The following PARP6 variants were observed in gnomAD, a reference collection of about 807,000 sequenced individuals.
PARP6 encodes the protein poly(ADP-ribose) polymerase family member 6.
In PARP6, 27 loss-of-function variants were observed where a neutral mutation model predicts 92.0. The observed-to-expected ratio is 0.29, with a 90% CI of 0.22 to 0.40. The LOEUF (loss-of-function observed/expected upper bound fraction) is 0.40. Ranked by LOEUF, PARP6 falls within the 10% of genes least tolerant of loss-of-function variation. The pLI is 1.00. For missense variants in PARP6, 501 were observed against 784.5 expected, an observed-to-expected ratio of 0.64 and a Z score of 4.32; for synonymous variants, 272 against 281.2, an observed-to-expected ratio of 0.97 and a Z score of 0.33.
At chr15:72,271,858 G>C (rs1482478695) in intron 1 of PARP6, among the ~76,000 whole-genome samples, 1 of 152,184 alleles carries the variant, frequency 6.6e-6, no homozygotes, top group East Asian at 1.9e-4. Context: ...GTTTCCACGA[G>C]AATAAGTCAA....
At chr15:72,251,051 T>A in intron 17 of PARP6, 97 bp from the exon 18 acceptor site, 1 of 1,023,110 alleles carries the variant, frequency 9.8e-7, no homozygotes, top group Non-Finnish European at 1.5e-6. Context: ...AGGCTTGCAT[T>A]AACCCCACAC....
At chr15:72,269,385 T>C (rs564384644) in intron 2 of PARP6, among the ~76,000 whole-genome samples, 1 of 151,874 alleles carries the variant, frequency 6.6e-6, no homozygotes, top group Admixed American at 6.6e-5. Flanking sequence ...GGTCTCGAAC[T>C]CCTGACCTCA....
At chr15:72,251,884 G>C (rs1034162279) in intron 16 of PARP6, among the ~76,000 whole-genome samples, 1 of 152,218 alleles carries the variant, frequency 6.6e-6, no homozygotes, top group African/African-American at 2.4e-5. Flanking sequence ...CTCAGCAAGA[G>C]AGCACTATCT....
intron 7 of PARP6, 120 bp from the exon 8 acceptor site, chr15:72,264,741 T>A: frequency 1.3e-6 from 1 of 741,126 alleles, no homozygotes; most frequent in Non-Finnish European, 2.3e-6. Context: ...CTCTAAACAG[T>A]AACGGTGGAA....
At position 72,250,875 on chromosome 15, in the gene PARP6, T is replaced by C. The variant is rs1203174686; in HGVS notation, c.1388A>G (p.Lys463Arg). Residue 463 changes from lysine to arginine, a missense_variant, in exon 18 of 24, where the codon AAG (lysine) becomes AGG (arginine). Physicochemically the swap from Lys to Arg is conservative, Grantham distance 26 (BLOSUM62 2). Coordinates refer to ENST00000569795, the MANE Select transcript of PARP6 (RefSeq NM_001323532.2). Reference sequence around the variant, plus strand: ...GGCAAAGGTGCTGCCATAGAGCTTCTTGGCGGTCCGGAACCGAGCCTCCTT... The same window carrying C: ...GGCAAAGGTGCTGCCATAGAGCTTCCTGGCGGTCCGGAACCGAGCCTCCTT... ...PAKEARFRTA[K>R]KLYGSTFAFH... 2 of 1,610,844 alleles carry C rather than the reference T, an allele frequency of 1.2e-6. No individual in the cohort carries two copies. Among genetic ancestry groups the C allele is most frequent in the South Asian group, 1.1e-5 (1 of 90,856 alleles).
chr15:72,254,577 G>A (rs926799145), intron 14 of PARP6, 57 bp from the exon 15 acceptor site: 4 of 1,397,598 alleles, frequency 2.9e-6, no homozygotes, highest in Non-Finnish European at 4.0e-6. Flanking sequence ...AGGAAAGTAA[G>A]ATGTGATGAA....
chr15:72,249,892 G>T, intron 19 of PARP6, 128 bp downstream of exon 19: 1 of 658,502 alleles, frequency 1.5e-6, no homozygotes, highest in Non-Finnish European at 2.8e-6. Flanking sequence ...TCCTCTCTAG[G>T]GAACTCCACA....
In PARP6 at chr15:72,250,835, G is replaced by GCCCCCAT; in HGVS notation, c.1418+9_1418+10insATGGGGG. The GCCCCCAT allele has an allele frequency of 9.9e-7, 1 of 1,014,602 alleles. No homozygotes were observed. Among genetic ancestry groups the GCCCCCAT allele is most frequent in the Non-Finnish European group, 1.5e-6 (1 of 682,768 alleles). The allele number at this position is 1,014,602 out of a possible 1,614,324, so 62.8% of individuals were successfully genotyped here. Reference sequence around the variant, plus strand: ...CACCACCCCCACTGCCCAGCCCCCAGCCTCCTCACTGGAAGGCAAAGGTGC... The same window carrying GCCCCCAT: ...CACCACCCCCACTGCCCAGCCCCCAGCCCCCATCCTCCTCACTGGAAGGCAAAGGTGC... On this transcript the variant is annotated intron_variant, in intron 18 of 23. Transcript: ENST00000569795.
chr15:72,256,930 T>G lies in PARP6; in HGVS notation c.1000-340A>C, dbSNP rs2085219680. 1.3e-5 allele frequency among the ~76,000 whole-genome samples: 2 copies of G among 152,104 alleles called. 1 individual carries two copies. The highest frequency in any genetic ancestry group is 4.1e-4 in the South Asian group (2 of 4,834). On this transcript the variant is annotated intron_variant, in intron 13 of 23. Transcript: ENST00000569795. The stretch of plus-strand genomic sequence containing the variant: ...GCTCACTCTGTTACCCAGGCTGGAG[T>G]GCAGTGGTGTGATCATGGCCCACTG...
intron 20 of PARP6, among the ~76,000 whole-genome samples, chr15:72,248,919 T>C (rs539748755): frequency 8.5e-5 from 13 of 152,354 alleles, no homozygotes; most frequent in African/African-American, 2.6e-4. Flanking sequence ...TGTACAAGTA[T>C]ACACAAACAC....
intron 13 of PARP6, among the ~76,000 whole-genome samples, chr15:72,257,068 T>C (rs763508097): frequency 6.6e-6 from 1 of 152,188 alleles, no homozygotes; most frequent in Non-Finnish European, 1.5e-5. Flanking sequence ...TGGACAATTT[T>C]ACTACATATG....
At chr15:72,262,678 C>T (rs2086057687) in intron 8 of PARP6, among the ~76,000 whole-genome samples, 1 of 152,178 alleles carries the variant, frequency 6.6e-6, no homozygotes, top group Non-Finnish European at 1.5e-5. Context: ...TTGTTCTCAT[C>T]CTGATGCTAA....
chr15:72,265,625 C>A, intron 5 of PARP6, 152 bp from the exon 6 acceptor site: 1 of 681,604 alleles, frequency 1.5e-6, no homozygotes, highest in Non-Finnish European at 2.6e-6. Context: ...AGCCTTACAC[C>A]ACTTACCTGA....
At chr15:72,252,686 T>C (rs2084532372) in intron 16 of PARP6, among the ~76,000 whole-genome samples, 1 of 152,154 alleles carries the variant, frequency 6.6e-6, no homozygotes, top group South Asian at 2.1e-4. Context: ...GGTTTCTCCA[T>C]GTTGGTCAGG....
chr15:72,259,595 T>C lies in PARP6; in HGVS notation c.810+13A>G. On this transcript the variant is annotated intron_variant, in intron 11 of 23. Transcript: ENST00000569795. ...AGGGAAGGGCTTCGGAGTGACAATT[T>C]TGACTTGATTACCTGAACGAGGAAT... The C allele has an allele frequency of 6.2e-7, 1 of 1,613,492 alleles. No homozygotes were observed. Among genetic ancestry groups the C allele is most frequent in the Non-Finnish European group, 8.5e-7 (1 of 1,179,502 alleles).
chr15:72,248,162 C>G (rs1281884776), intron 20 of PARP6, among the ~76,000 whole-genome samples: 1 of 152,030 alleles, frequency 6.6e-6, no homozygotes, highest in Admixed American at 6.6e-5. Context: ...CTTAATCTAA[C>G]CAGGGTTTAT....
intron 11 of PARP6, among the ~76,000 whole-genome samples, chr15:72,258,663 G>C (rs1008590152): frequency 2.6e-5 from 4 of 152,214 alleles, no homozygotes; most frequent in Admixed American, 2.6e-4. Context: ...CAAAACTACA[G>C]ACAATTCTGT....
intron 11 of PARP6, 61 bp downstream of exon 11, chr15:72,259,547 G>A (rs2085571888): frequency 1.4e-6 from 2 of 1,408,994 alleles, no homozygotes; most frequent in Admixed American, 1.7e-5. Flanking sequence ...GGAGGTGTTA[G>A]GAGACCAAAT....
chr15:72,262,070 G>A (rs1283657859), intron 8 of PARP6, among the ~76,000 whole-genome samples: 1 of 152,186 alleles, frequency 6.6e-6, no homozygotes, highest in Middle Eastern at 3.2e-3. Context: ...GTACCACTTT[G>A]TTCCTTGTGA....
Sources: allele counts gnomAD v4.1 joint callset (sites outside exome capture counted in the v4.1 genomes callset), GRCh38; gene constraint gnomAD v4.1.1; transcripts MANE v1.5; gene names NCBI Gene and HGNC (gene_info 2026-07-23, HGNC 2026-07-21).